The following BCL2 variants were observed in gnomAD, a reference collection of about 807,000 sequenced individuals.
BCL2 encodes the protein BCL2 apoptosis regulator.
In BCL2, 1 loss-of-function variant was observed where a neutral mutation model predicts 14.2. That is an observed-to-expected ratio of 0.07 (90% confidence interval 0.02 to 0.33). The LOEUF is 0.33. BCL2 is among the 10% of genes least tolerant of loss of function. BCL2 has a pLI of 0.99. For missense variants in BCL2, 247 were observed against 305.9 expected, an observed-to-expected ratio of 0.81 and a Z score of 1.44; for synonymous variants, 151 against 137.2, an observed-to-expected ratio of 1.10 and a Z score of -0.70.
chr18:63,182,050 C>T (rs1452760559), intron 2 of BCL2, among the ~76,000 whole-genome samples: 1 of 152,230 alleles, frequency 6.6e-6, no homozygotes, highest in Non-Finnish European at 1.5e-5. Context: ...ATCTTCTCCC[C>T]TTATCTTGCT....
At chr18:63,274,125 T>G (rs1218421370) in intron 2 of BCL2, among the ~76,000 whole-genome samples, 2 of 152,066 alleles carry the variant, frequency 1.3e-5, no homozygotes, top group Non-Finnish European at 2.9e-5. Context: ...GAGGGAGAGA[T>G]ATTTTTTCTC....
intron 2 of BCL2, among the ~76,000 whole-genome samples, chr18:63,239,502 G>A (rs1910933264): frequency 6.6e-6 from 1 of 152,182 alleles, no homozygotes; most frequent in Admixed American, 6.5e-5. Context: ...AGCCCTTTGG[G>A]AGGCCAAGAT....
At chr18:63,175,482 A>G (rs1489479310) in intron 2 of BCL2, among the ~76,000 whole-genome samples, 1 of 152,256 alleles carries the variant, frequency 6.6e-6, no homozygotes, top group Non-Finnish European at 1.5e-5. Flanking sequence ...AGCAGCCAGC[A>G]CAGCTGGGCA....
chr18:63,250,740 A>C (rs1383554510), intron 2 of BCL2, among the ~76,000 whole-genome samples: 1 of 150,516 alleles, frequency 6.6e-6, no homozygotes, highest in Non-Finnish European at 1.5e-5. Flanking sequence ...AATTTCTGAA[A>C]CAAACATGTG....
chr18:63,198,571 GAC>G (rs1280976976), intron 2 of BCL2, among the ~76,000 whole-genome samples: 5 of 120,190 alleles, frequency 4.2e-5, no homozygotes, highest in South Asian at 5.3e-4. Context: ...GACACACATT[GAC>G]ACACAGACAC....
chr18:63,243,389 G>A (rs1158856091), intron 2 of BCL2, among the ~76,000 whole-genome samples: 3 of 152,028 alleles, frequency 2.0e-5, no homozygotes, highest in African/African-American at 7.3e-5. Context: ...GGAGGGAGAG[G>A]ATCAGGAAAA....
intron 2 of BCL2, among the ~76,000 whole-genome samples, chr18:63,198,389 C>A (rs1030520086): frequency 4.8e-5 from 7 of 147,128 alleles, no homozygotes; most frequent in Non-Finnish European, 9.0e-5. Flanking sequence ...CACACAGACA[C>A]CCATTGACAC....
chr18:63,302,757 G>T, intron 2 of BCL2: 5 of 985,392 alleles, frequency 5.1e-6, no homozygotes, highest in Non-Finnish European at 6.0e-6. Flanking sequence ...TTCCTATCTT[G>T]TCAGAATTTC....
intron 2 of BCL2, among the ~76,000 whole-genome samples, chr18:63,184,530 C>T (rs868627217): frequency 6.6e-6 from 1 of 152,210 alleles, no homozygotes; most frequent in African/African-American, 2.4e-5. Context: ...CTGCTTTGCA[C>T]CAATCTCTTT....
At chr18:63,183,669 A>C (rs142392210) in intron 2 of BCL2, among the ~76,000 whole-genome samples, 8 of 152,308 alleles carry the variant, frequency 5.3e-5, no homozygotes, top group African/African-American at 1.7e-4. Context: ...CCATGTGTGG[A>C]AGGAGTTCAG....
At chr18:63,162,801 C>CTCCTTCCTTCTTTCCTTCCCTCCT (rs1447604451) in intron 2 of BCL2, among the ~76,000 whole-genome samples, 1 of 151,968 alleles carries the variant, frequency 6.6e-6, no homozygotes, top group Non-Finnish European at 1.5e-5. Context: ...AAACTCTGCC[C>CTCCTTCCTTCTTTCCTTCCCTCCT]TCCTTCCTTC....
chr18:63,283,624 A>C (rs1035072539), intron 2 of BCL2, among the ~76,000 whole-genome samples: 1 of 152,178 alleles, frequency 6.6e-6, no homozygotes, highest in South Asian at 2.1e-4. Context: ...TGCTCATGGG[A>C]ACCGTATCCC....
At chr18:63,174,936 T>A (rs1378293487) in intron 2 of BCL2, among the ~76,000 whole-genome samples, 1 of 150,948 alleles carries the variant, frequency 6.6e-6, no homozygotes, top group African/African-American at 2.4e-5. Flanking sequence ...TATAGCATAC[T>A]CCTAAAAACA....
In BCL2 at chr18:63,131,060, C is replaced by T. The variant is rs953382206; in HGVS notation, c.586-2301G>A. Among the ~76,000 whole-genome samples, 13 of 151,994 alleles carry T rather than the reference C, an allele frequency of 8.6e-5. No individual in the cohort carries two copies. In the East Asian group the frequency reaches 1.3e-3, roughly 16 times the overall value. On this transcript the variant is annotated intron_variant, in intron 2 of 2. Coordinates refer to ENST00000333681, the MANE Select transcript of BCL2 (RefSeq NM_000633.3). ...CTACTGGTATCTAGTGGGCAGAGGCCGCGGATGCTGTTCAACATCCCACAA... is the reference window on the plus strand; with the variant it reads ...CTACTGGTATCTAGTGGGCAGAGGCTGCGGATGCTGTTCAACATCCCACAA...
intron 2 of BCL2, among the ~76,000 whole-genome samples, chr18:63,161,357 A>G (rs1914915879): frequency 6.6e-6 from 1 of 152,200 alleles, no homozygotes; most frequent in Non-Finnish European, 1.5e-5. Flanking sequence ...AGCCAGTGAA[A>G]TGAAGTTGCA....
chr18:63,189,189 TAAA>T (rs34498028), intron 2 of BCL2, among the ~76,000 whole-genome samples: 44 of 135,320 alleles, frequency 3.3e-4, no homozygotes, highest in Non-Finnish European at 3.9e-4. Flanking sequence ...TAACAGCATA[TAAA>T]AAAAAAAAAA....
At chr18:63,267,327 T>C (rs887145346) in intron 2 of BCL2, among the ~76,000 whole-genome samples, 6 of 152,052 alleles carry the variant, frequency 3.9e-5, no homozygotes, top group African/African-American at 1.2e-4. Flanking sequence ...CAGCTGGAGA[T>C]TGTTGCAGCA....
intron 2 of BCL2, chr18:63,302,761 GA>G (rs1936918263): frequency 2.0e-6 from 2 of 985,292 alleles, no homozygotes; most frequent in South Asian, 9.4e-5. Context: ...TATCTTGTCA[GA>G]ATTTCGCGTT....
intron 2 of BCL2, among the ~76,000 whole-genome samples, chr18:63,162,116 T>A (rs902957494): frequency 3.3e-5 from 5 of 152,170 alleles, no homozygotes; most frequent in Non-Finnish European, 7.3e-5. Context: ...ATCTGGAATG[T>A]GTCCATTAGA....
Sources: allele counts gnomAD v4.1 joint callset (sites outside exome capture counted in the v4.1 genomes callset), GRCh38; gene constraint gnomAD v4.1.1; transcripts MANE v1.5; gene names NCBI Gene and HGNC (gene_info 2026-07-23, HGNC 2026-07-21).